Variants in ATP9B observed in about 807,000 individuals in gnomAD.
ATP9B encodes probable phospholipid-transporting ATPase IIB.
In ATP9B, 110 loss-of-function variants were observed where a neutral mutation model predicts 146.1. That is an observed-to-expected ratio of 0.75 (90% CI 0.65 to 0.88). The LOEUF (loss-of-function observed/expected upper bound fraction) is 0.88, where lower values mean the gene tolerates loss of function less well. Ranked by LOEUF, ATP9B falls within the 40% of genes least tolerant of loss-of-function variation. The probability of loss-of-function intolerance (pLI) is 0.00; values close to 1 mark genes in which losing one functional copy is unlikely to be tolerated. For synonymous variants in ATP9B, 604 were observed against 569.7 expected, an observed-to-expected ratio of 1.06 and a Z score of -0.86; for missense variants, 1,499 against 1,496.4, an observed-to-expected ratio of 1.00 and a Z score of -0.03.
rs751138004 is a variant in ATP9B at position 79,298,305 on chromosome 18, A to G, written c.1412-5299A>G. Among the ~76,000 whole-genome samples, 11 of 146,768 alleles carry G rather than the reference A, an allele frequency of 7.5e-5. 2 individuals carry two copies. Among genetic ancestry groups the G allele is most frequent in the Non-Finnish European group, 1.7e-4 (11 of 66,182 alleles). On this transcript the variant is annotated intron_variant, in intron 13 of 29. Coordinates refer to ENST00000426216, the MANE Select transcript of ATP9B (RefSeq NM_198531.5). The stretch of plus-strand genomic sequence containing the variant: ...GTCCACATGCAGAAACCAATGGTGT[A>G]TCTACACTTGCAGTGAATATGTGCC...
rs968678692 is a variant in ATP9B at position 79,320,237 on chromosome 18, T to C, written c.1774-8904T>C. On this transcript the variant is annotated intron_variant, in intron 15 of 29. Coordinates refer to ENST00000426216, the MANE Select transcript of ATP9B (RefSeq NM_198531.5). ...GTGCACCTGGACCTGTGTGGGGAAC[T>C]GAGGTTCTGGGAGGGAAGGAGCCCG... 2.0e-4 allele frequency among the ~76,000 whole-genome samples: 31 copies of C among 152,210 alleles called. 1 individual carries two copies. Among genetic ancestry groups the C allele is most frequent in the African/African-American group, 7.5e-4 (31 of 41,450 alleles).
intron 13 of ATP9B, among the ~76,000 whole-genome samples, chr18:79,279,861 C>T (rs754778308): frequency 1.2e-4 from 19 of 152,216 alleles, no homozygotes; most frequent in Non-Finnish European, 2.1e-4. Flanking sequence ...CTCCTGTTCA[C>T]TCTTGGTGGG....
At position 79,337,366 on chromosome 18, in the gene ATP9B, C is replaced by T. The variant is rs1380955100; in HGVS notation, c.2200C>T (p.Leu734=). 7.4e-6 allele frequency: 12 copies of T among 1,614,020 alleles called. No homozygotes were observed. In the East Asian group the frequency reaches 1.1e-4, roughly 15 times the overall value. The change falls in exon 19 of 30, where the codon CTG becomes TTG. Residue 734 remains leucine, a synonymous_variant. Transcript: ENST00000426216. ...VVESLEREME[L]LCLTGVEDQL... ...CGAGAGCCTGGAGAGGGAGATGGAA[C>T]TGCTGTGCCTCACCGGCGTGGAGGA...
chr18:79,263,941 C>T (rs1032521272), intron 12 of ATP9B, among the ~76,000 whole-genome samples: 10 of 152,072 alleles, frequency 6.6e-5, no homozygotes, highest in African/African-American at 2.2e-4. Context: ...AAAAATTAGC[C>T]GGGCGTGGTA....
In ATP9B at chr18:79,126,328, G is replaced by T. The variant is rs773068417; in HGVS notation, c.620G>T (p.Arg207Leu). ...ATTGATGAATTTCGGCGTTTTCAGC[G>T]TGACAAGGAAGTGAATTCACAACTA... is the stretch of plus-strand genomic sequence containing the variant. Reference protein sequence around the residue: ...EAIDEFRRFQRDKEVNSQLYS... With the variant: ...EAIDEFRRFQLDKEVNSQLYS... Residue 207 changes from arginine to leucine, a missense_variant, in exon 5 of 30, where the codon CGT (arginine) becomes CTT (leucine). Arg to Leu is a moderately radical substitution (Grantham distance 102, BLOSUM62 -2). Coordinates refer to ENST00000426216, the MANE Select transcript of ATP9B (RefSeq NM_198531.5). 1.9e-6 allele frequency: 3 copies of T among 1,611,742 alleles called. No homozygotes were observed. The highest frequency in any genetic ancestry group is 4.5e-5 in the East Asian group (2 of 44,736).
intron 5 of ATP9B, among the ~76,000 whole-genome samples, chr18:79,137,138 T>A (rs908697584): frequency 6.6e-6 from 1 of 152,188 alleles, no homozygotes; most frequent in Non-Finnish European, 1.5e-5. Context: ...TTTTTGTGTC[T>A]GGAAGTTTGA....
At chr18:79,208,394 AG>A (rs1242304941) in intron 10 of ATP9B, among the ~76,000 whole-genome samples, 2 of 152,208 alleles carry the variant, frequency 1.3e-5, no homozygotes, top group Non-Finnish European at 2.9e-5. Flanking sequence ...CTAGCAGCCT[AG>A]TACTGAGAGA....
intron 11 of ATP9B, among the ~76,000 whole-genome samples, chr18:79,221,637 C>T (rs2095678370): frequency 6.6e-6 from 1 of 152,146 alleles, no homozygotes; most frequent in Admixed American, 6.5e-5. Context: ...GGGAGGATCA[C>T]CTGAGCCCAG....
intron 11 of ATP9B, among the ~76,000 whole-genome samples, chr18:79,214,979 C>T (rs1399277594): frequency 2.0e-5 from 3 of 147,344 alleles, no homozygotes; most frequent in African/African-American, 8.1e-5. Flanking sequence ...GAAACCCTGT[C>T]TCTACCAGAA....
chr18:79,088,504 T>A (rs931289838), intron 1 of ATP9B, among the ~76,000 whole-genome samples: 3 of 152,204 alleles, frequency 2.0e-5, no homozygotes, highest in Non-Finnish European at 4.4e-5. Flanking sequence ...ATAATGAAAC[T>A]TGTATGTTGT....
intron 5 of ATP9B, among the ~76,000 whole-genome samples, chr18:79,136,331 C>T (rs951026252): frequency 6.6e-6 from 1 of 152,100 alleles, no homozygotes; most frequent in Non-Finnish European, 1.5e-5. Context: ...ATTTTTTTCT[C>T]AGCAGTGTTT....
rs1555725031 is a variant in ATP9B, at chr18:79,171,884, T to TTTTG, written c.779-4909_779-4906dup. On this transcript the variant is annotated intron_variant, in intron 7 of 29. Transcript: ENST00000426216. ...TCATGACCTTCGGAGACTCGTTTTT[T>TTTTG]TTTGTTTGTTTGTTTGTTTGTTTAG... 1.3e-4 allele frequency among the ~76,000 whole-genome samples: 20 copies of TTTTG among 150,894 alleles called. 1 individual carries two copies. In the South Asian group the frequency reaches 3.8e-3, roughly 28 times the overall value.
intron 24 of ATP9B, 84 bp from the exon 25 acceptor site, chr18:79,348,048 G>A (rs1012761905): frequency 1.9e-6 from 3 of 1,602,638 alleles, no homozygotes; most frequent in Non-Finnish European, 2.6e-6. Context: ...CTGTGCTTAG[G>A]AGTTAGCGAG....
rs2095867907 is a variant in ATP9B at position 79,239,166 on chromosome 18, G to GA, written c.1108-14214dup. 6.6e-6 allele frequency among the ~76,000 whole-genome samples: 1 copy of GA among 152,116 alleles called. No homozygotes were observed. Among genetic ancestry groups the GA allele is most frequent in the Admixed American group, 6.5e-5 (1 of 15,284 alleles). On this transcript the variant is annotated intron_variant, in intron 11 of 29. Transcript: ENST00000426216. This position sits in a 1 kb window ranked among gnomAD's most constrained non-coding sequence, Gnocchi z 5.1. Reference sequence around the variant, plus strand: ...ACAGATGTGCCCAGATCCAAGGTGGGATGGTGTGAAAGAGCTGCAGAAAGC... The same window carrying GA: ...ACAGATGTGCCCAGATCCAAGGTGGGAATGGTGTGAAAGAGCTGCAGAAAGC...
At chr18:79,335,814 T>A (rs988625834) in intron 17 of ATP9B, among the ~76,000 whole-genome samples, 1 of 152,250 alleles carries the variant, frequency 6.6e-6, no homozygotes, top group Non-Finnish European at 1.5e-5. Flanking sequence ...GCAACACTCT[T>A]ATGAGCCCAT....
intron 27 of ATP9B, 136 bp downstream of exon 27, chr18:79,373,018 A>G: frequency 1.7e-6 from 1 of 581,410 alleles, no homozygotes; most frequent in Non-Finnish European, 3.0e-6. Context: ...CCTTCTGTTT[A>G]TCTTGTAAAT....
intron 23 of ATP9B, among the ~76,000 whole-genome samples, chr18:79,347,220 C>G (rs1178307560): frequency 6.6e-6 from 1 of 152,184 alleles, no homozygotes; most frequent in Non-Finnish European, 1.5e-5. Context: ...AATATTAATA[C>G]AGACACACCC....
intron 6 of ATP9B, chr18:79,146,594 C>T (rs71366510): frequency 6.1e-4 from 54 of 88,058 alleles, no homozygotes; most frequent in African/African-American, 2.4e-3. Flanking sequence ...GACTGAAGGT[C>T]CATGCTGCGT....
intron 12 of ATP9B, among the ~76,000 whole-genome samples, chr18:79,271,286 G>A (rs138093651): frequency 0.19 from 28,694 of 151,840 alleles, 3,322 homozygotes; most frequent in South Asian, 0.4. Flanking sequence ...TGTGCACAAC[G>A]TGCAGGTTTG....
Sources: gnomAD v4.1 joint callset for allele counts (sites outside exome capture counted in the v4.1 genomes callset) on GRCh38, gnomAD v4.1.1 for gene constraint, Gnocchi (gnomAD v3.1) non-coding constraint, MANE v1.5 for transcripts, NCBI Gene and HGNC (gene_info 2026-07-23, HGNC 2026-07-21) for gene names.